The following TTC6 variants were observed in gnomAD, a reference collection of about 807,000 sequenced individuals.
TTC6 encodes tetratricopeptide repeat domain 6, also known as tetratricopeptide repeat protein 6.
Under a neutral mutation model 210.4 loss-of-function variants are expected in TTC6, and 172 were observed. The ratio of observed to expected loss-of-function variants is 0.82; its 90% confidence interval spans 0.72 to 0.93. The LOEUF (loss-of-function observed/expected upper bound fraction) is 0.93, where lower values mean the gene tolerates loss of function less well. TTC6 is among the 40% of genes least tolerant of loss of function. The pLI is 0.00. For synonymous variants in TTC6, 804 were observed against 819.6 expected, an observed-to-expected ratio of 0.98 and a Z score of 0.32; for missense variants, 2,414 against 2,318.1, an observed-to-expected ratio of 1.04 and a Z score of -0.85.
chr14:37,744,062 A>G (rs1279950292), intron 10 of TTC6, among the ~76,000 whole-genome samples: 5 of 152,196 alleles, frequency 3.3e-5, no homozygotes, highest in Non-Finnish European at 7.3e-5. Context: ...AATGAAGGCA[A>G]AGTTTATCAG....
rs570077125 is a variant in TTC6, at chr14:37,797,932, A to G, written c.4029+985A>G. On this transcript the variant is annotated intron_variant, in intron 20 of 30. Coordinates refer to ENST00000553443, the Ensembl canonical transcript of TTC6. ...TCTTAACCCAAAAATCTGCAGTGCT[A>G]CATCTATCTTATTACAAGTTTTCAC... Among the ~76,000 whole-genome samples the G allele has an allele frequency of 2.6e-5, 4 of 152,240 alleles. No homozygotes were observed. In the East Asian group the frequency reaches 7.7e-4, roughly 29 times the overall value.
intron 20 of TTC6, among the ~76,000 whole-genome samples, chr14:37,798,801 T>G (rs866810968): frequency 1.3e-5 from 2 of 152,184 alleles, no homozygotes; most frequent in African/African-American, 4.8e-5. Context: ...CAAATAATTT[T>G]TCATCAGGTA....
At chr14:37,694,017 C>CAAACAAACAA (rs2095809693) in intron 3 of TTC6, among the ~76,000 whole-genome samples, 1 of 147,690 alleles carries the variant, frequency 6.8e-6, no homozygotes, top group Admixed American at 6.7e-5. Context: ...CAAACAAACA[C>CAAACAAACAA]TGGGGAAACT....
In TTC6 at chr14:37,796,783, T is replaced by G; in HGVS notation, c.3869-4T>G. On this transcript the variant is annotated splice_region_variant and splice_polypyrimidine_tract_variant and intron_variant, in intron 19 of 30. Coordinates refer to ENST00000553443, the Ensembl canonical transcript of TTC6. Reference sequence around the variant, plus strand: ...GATATTGATAAACTTTCCTTCCCTTTTAGGTCTCAGTGAGTTGAGTCCTAT... The same window carrying G: ...GATATTGATAAACTTTCCTTCCCTTGTAGGTCTCAGTGAGTTGAGTCCTAT... The G allele has an allele frequency of 2.5e-6, 4 of 1,594,852 alleles. No individual in the cohort carries two copies. Among genetic ancestry groups the G allele is most frequent in the Non-Finnish European group, 3.4e-6 (4 of 1,172,810 alleles).
chr14:37,826,288 G>C (rs1334099504), exon 28 of TTC6: 1 of 1,612,524 alleles, frequency 6.2e-7, no homozygotes, highest in Non-Finnish European at 8.5e-7. Flanking sequence ...AAGAGCTGTG[G>C]TCTGTCTTCA....
At chr14:37,725,727 T>C (rs1793586708) in intron 7 of TTC6, among the ~76,000 whole-genome samples, 1 of 152,140 alleles carries the variant, frequency 6.6e-6, no homozygotes, top group African/African-American at 2.4e-5. Context: ...AAGAAGAATA[T>C]TCTGTTTTCT....
intron 1 of TTC6, among the ~76,000 whole-genome samples, chr14:37,658,022 A>G (rs1172688284): frequency 6.6e-6 from 1 of 152,226 alleles, no homozygotes; most frequent in Non-Finnish European, 1.5e-5. Flanking sequence ...AAAGAGCTAA[A>G]TAGTAAATAG....
intron 7 of TTC6, among the ~76,000 whole-genome samples, chr14:37,726,668 T>A (rs2095873644): frequency 6.6e-6 from 1 of 152,144 alleles, no homozygotes; most frequent in African/African-American, 2.4e-5. Flanking sequence ...TGATATGGCT[T>A]AGGAATAATG....
chr14:37,668,227 C>A (rs1265500813), intron 1 of TTC6, among the ~76,000 whole-genome samples: 1 of 150,414 alleles, frequency 6.6e-6, no homozygotes, highest in Admixed American at 6.6e-5. Context: ...ATAATTTGAC[C>A]TTACTAGCAT....
intron 3 of TTC6, among the ~76,000 whole-genome samples, chr14:37,692,224 A>AAAAAAAAACAAAAAAAAAAAAAAAAAAG (rs2095805029): frequency 7.0e-6 from 1 of 143,068 alleles, no homozygotes; most frequent in Non-Finnish European, 1.6e-5. Flanking sequence ...AAAAAAAAAA[A>AAAAAAAAACAAAAAAAAAAAAAAAAAAG]AAAAAAAAGA....
chr14:37,633,737 C>G (rs2095674677), intron 1 of TTC6, among the ~76,000 whole-genome samples: 1 of 152,314 alleles, frequency 6.6e-6, no homozygotes, highest in Non-Finnish European at 1.5e-5. Flanking sequence ...CACTCGCTCC[C>G]TCTTCCCTCT....
At chr14:37,623,275 G>T (rs2095654875) in intron 1 of TTC6, among the ~76,000 whole-genome samples, 1 of 152,204 alleles carries the variant, frequency 6.6e-6, no homozygotes, top group Non-Finnish European at 1.5e-5. Flanking sequence ...GAAGACTTCA[G>T]TAATAACGTC....
intron 3 of TTC6, among the ~76,000 whole-genome samples, chr14:37,696,410 T>C (rs558847904): frequency 2.0e-5 from 3 of 152,094 alleles, no homozygotes; most frequent in Non-Finnish European, 4.4e-5. Flanking sequence ...TAAGGGCAAG[T>C]TTTATTACAA....
At chr14:37,608,107 G>C (rs2095628373) in intron 2 of TTC6, among the ~76,000 whole-genome samples, 1 of 152,160 alleles carries the variant, frequency 6.6e-6, no homozygotes, top group Non-Finnish European at 1.5e-5. Context: ...AAAATTTGGA[G>C]TGTCTACTTC....
At chr14:37,787,256 A>T (rs1347577519) in intron 14 of TTC6, among the ~76,000 whole-genome samples, 2 of 152,240 alleles carry the variant, frequency 1.3e-5, no homozygotes, top group African/African-American at 2.4e-5. Flanking sequence ...AATGTACCTG[A>T]TAAGCATATA....
At chr14:37,686,605 C>T (rs148278064) in intron 3 of TTC6, among the ~76,000 whole-genome samples, 2,225 of 152,272 alleles carry the variant, frequency 0.015, 15 homozygotes, top group Non-Finnish European at 0.021. Flanking sequence ...GTTTAATGGG[C>T]TCACAGTTCC....
chr14:37,755,134 T>C (rs2095963653), intron 14 of TTC6, among the ~76,000 whole-genome samples: 1 of 151,952 alleles, frequency 6.6e-6, no homozygotes, highest in Non-Finnish European at 1.5e-5. Context: ...TGGTTTTGAT[T>C]TGCATTGATG....
At chr14:37,693,264 A>G (rs1269539255) in intron 3 of TTC6, among the ~76,000 whole-genome samples, 2 of 152,156 alleles carry the variant, frequency 1.3e-5, no homozygotes, top group African/African-American at 4.8e-5. Flanking sequence ...ACAAACTGAA[A>G]AAGAAGTAAA....
exon 23 of TTC6, chr14:37,807,345 A>G (rs1178868222): frequency 6.5e-6 from 10 of 1,529,932 alleles, no homozygotes; most frequent in East Asian, 4.9e-5. Context: ...GTAGCATTCT[A>G]TGGTTTAAAA....
Sources: allele counts gnomAD v4.1 joint callset (sites outside exome capture counted in the v4.1 genomes callset), GRCh38; gene constraint gnomAD v4.1.1; transcripts MANE v1.5; gene names NCBI Gene and HGNC (gene_info 2026-07-23, HGNC 2026-07-21).